The following PDGFRB variants were observed in gnomAD, a reference collection of about 807,000 sequenced individuals.
The protein encoded by PDGFRB is platelet-derived growth factor receptor beta.
A neutral mutation model predicts 120.2 loss-of-function variants in PDGFRB; 42 were observed. That is an observed-to-expected ratio of 0.35 (90% confidence interval 0.27 to 0.45). The LOEUF (loss-of-function observed/expected upper bound fraction) is 0.45, where lower values mean the gene tolerates loss of function less well. PDGFRB is among the 20% of genes least tolerant of loss of function. The probability of loss-of-function intolerance (pLI) is 1.00; values close to 1 mark genes in which losing one functional copy is unlikely to be tolerated. For missense variants in PDGFRB, 1,149 were observed against 1,476.3 expected (o/e 0.78, Z 3.63); for synonymous variants, 586 against 606.8 (o/e 0.97, Z 0.50).
At chr5:150,129,233 G>A (rs960865604) in intron 10 of PDGFRB, among the ~76,000 whole-genome samples, 3 of 152,172 alleles carry the variant, frequency 2.0e-5, no homozygotes, top group Non-Finnish European at 4.4e-5. Flanking sequence ...GTACCCACCG[G>A]TACATGCATA....
At position 150,116,093 on chromosome 5, in the gene PDGFRB, G is replaced by T; in HGVS notation, c.3138-147C>A. 6 of 639,578 alleles carry T rather than the reference G, an allele frequency of 9.4e-6. No homozygotes were observed. The South Asian group carries it at 1.2e-4, about 13-fold the overall frequency. The allele number at this position is 639,578 out of a possible 1,614,324, so 39.6% of individuals were successfully genotyped here. On this transcript the variant is annotated intron_variant, in intron 22 of 22. Transcript: ENST00000261799. Reference sequence around the variant, plus strand: ...TTAACTCTTGTGAAAACTATGCAAGGCCTGCACCGTGAGGAAAGTGTGGCT... The same window carrying T: ...TTAACTCTTGTGAAAACTATGCAAGTCCTGCACCGTGAGGAAAGTGTGGCT...
chr5:150,115,879 C>T lies in PDGFRB; in HGVS notation c.3205G>A (p.Glu1069Lys), dbSNP rs576668629. ...TCAAGCTGGGGCTCTGGCTCTGGTT[C>T]GTCCTGGGGCTCCAGGGGGCTGTCA... ...SCDSPLEPQD[E>K]PEPEPQLELQ... is the part of the protein sequence containing the mutation. The change falls in exon 23 of 23, where the codon GAA becomes AAA. Residue 1069 changes from glutamate (E) to lysine (K), a missense_variant. Physicochemically the swap from Glu to Lys is moderately conservative, Grantham distance 56. Coordinates refer to ENST00000261799, the MANE Select transcript of PDGFRB (RefSeq NM_002609.4). The T allele has an allele frequency of 1.2e-5, 19 of 1,610,284 alleles. No individual in the cohort carries two copies. The African/African-American group carries it at 2.0e-4, about 17-fold the overall frequency.
rs532483221 is a variant in PDGFRB, at chr5:150,135,751, A to T, written c.168T>A (p.Gly56=). Residue 56 remains glycine, a synonymous_variant, in exon 3 of 23, where the codon GGT becomes GGA. Transcript: ENST00000261799. ...VSSTFVLTCS[G]SAPVVWERMS... is the part of the protein sequence containing the mutation. ...TCCGTTCCCACACCACCGGAGCTGA[A>T]CCCGAGCAGGTCAGAACGAAGGTGC... The T allele has an allele frequency of 1.1e-5, 17 of 1,613,970 alleles. No homozygotes were observed. In the Admixed American group the frequency reaches 2.7e-4, roughly 25 times the overall value.
intron 1 of PDGFRB, among the ~76,000 whole-genome samples, chr5:150,147,378 G>A (rs747522007): frequency 4.6e-5 from 7 of 152,208 alleles, no homozygotes; most frequent in Non-Finnish European, 4.4e-5. Context: ...AGGGGGGTGC[G>A]GCAGGCGCAG....
Position 150,115,206 on chromosome 5 carries a change from A to C in PDGFRB, c.*557T>G, listed in dbSNP as rs1475155844. ...CAGGGAACGCAGGGACTGGCATCATAGGGAGGAGACTGGCTTTCTTCTGGA... is the reference window on the plus strand; with the variant it reads ...CAGGGAACGCAGGGACTGGCATCATCGGGAGGAGACTGGCTTTCTTCTGGA... On this transcript the variant is annotated 3_prime_UTR_variant, in exon 23 of 23. Coordinates refer to ENST00000261799, the MANE Select transcript of PDGFRB (RefSeq NM_002609.4). 4.3e-6 allele frequency: 1 copy of C among 232,920 alleles called. No homozygotes were observed. The highest frequency in any genetic ancestry group is 6.0e-5 in the East Asian group (1 of 16,554). 14.4% of individuals were successfully genotyped at this position (232,920 alleles called of 1,614,324 possible).
Position 150,124,405 on chromosome 5 carries a change from C to T in PDGFRB, c.1913-45G>A, listed in dbSNP as rs1249809819. On this transcript the variant is annotated intron_variant, in intron 13 of 22. Transcript: ENST00000261799. ...CAGGCCAGGCCCAGTCATGGAGGCT[C>T]CATGGAGGCCCCACCACAGGAGCCT... 3.7e-6 allele frequency: 5 copies of T among 1,350,590 alleles called. No homozygotes were observed. The East Asian group carries it at 6.9e-5, about 19-fold the overall frequency. The allele number at this position is 1,350,590 out of a possible 1,614,324, so 83.7% of individuals were successfully genotyped here.
chr5:150,142,422 A>T (rs1044313690), intron 1 of PDGFRB, among the ~76,000 whole-genome samples: 2 of 152,190 alleles, frequency 1.3e-5, no homozygotes, highest in Admixed American at 1.3e-4. Context: ...CCAGGCAGGG[A>T]TTGGCGACTG....
rs755557051 is a variant in PDGFRB, at chr5:150,121,905, G to A, written c.2319C>T (p.Ala773=). 15 of 1,613,228 alleles carry A rather than the reference G, an allele frequency of 9.3e-6. No homozygotes were observed. Among genetic ancestry groups the A allele is most frequent in the Middle Eastern group, 1.6e-4 (1 of 6,082 alleles). Residue 773 remains alanine, a synonymous_variant, in exon 16 of 23, where the codon GCC becomes GCT. Transcript: ENST00000261799. This position sits in a 1 kb window ranked among gnomAD's most constrained non-coding sequence, Gnocchi z 4.1. ...YADIESSNYM[A]PYDNYVPSAP... Reference sequence around the variant, plus strand: ...CAGAGGGAACGTAGTTATCGTAAGGGGCCATGTAGTTGGAGGACTCGATGT... The same window carrying A: ...CAGAGGGAACGTAGTTATCGTAAGGAGCCATGTAGTTGGAGGACTCGATGT...
intron 1 of PDGFRB, among the ~76,000 whole-genome samples, chr5:150,149,758 C>A (rs1761021327): frequency 6.6e-6 from 1 of 152,190 alleles, no homozygotes; most frequent in Admixed American, 6.5e-5. Flanking sequence ...AGCCCTACCC[C>A]TCTAAGGCTA....
intron 10 of PDGFRB, 67 bp downstream of exon 10, chr5:150,129,690 A>C (rs1016293608): frequency 7.4e-7 from 1 of 1,354,932 alleles, no homozygotes; most frequent in African/African-American, 1.4e-5. Context: ...ACATGGGCAC[A>C]TTACCAATTA....
intron 1 of PDGFRB, among the ~76,000 whole-genome samples, chr5:150,143,910 C>G (rs1263734528): frequency 2.0e-5 from 3 of 152,132 alleles, no homozygotes; most frequent in African/African-American, 7.2e-5. Flanking sequence ...AGAAAGAGAG[C>G]AGCCCGGCGC....
rs772781847 is a variant in PDGFRB at position 150,126,500 on chromosome 5, T to C, written c.1674+20A>G. On this transcript the variant is annotated intron_variant, in intron 11 of 22. Transcript: ENST00000261799. ...TAATGATGTGCCAGTCTTCACCCAC[T>C]GGGCCAGGGAGGGGCTTACCTTCTG... is the stretch of plus-strand genomic sequence containing the variant. 3 of 1,350,046 alleles carry C rather than the reference T, an allele frequency of 2.2e-6. No individual in the cohort carries two copies. The highest frequency in any genetic ancestry group is 3.2e-6 in the Non-Finnish European group (3 of 939,072). The allele number at this position is 1,350,046 out of a possible 1,614,324, so 83.6% of individuals were successfully genotyped here. A position where few individuals can be genotyped will look rare whatever the true frequency, so the allele number is the denominator to read the frequency against.
rs2113892719 is a variant in PDGFRB at position 150,123,026 on chromosome 5, G to A, written c.2183+16C>T. 1 of 1,609,366 alleles carries A rather than the reference G, an allele frequency of 6.2e-7. No individual in the cohort carries two copies. Among genetic ancestry groups the A allele is most frequent in the Non-Finnish European group, 8.5e-7 (1 of 1,177,844 alleles). On this transcript the variant is annotated intron_variant, in intron 15 of 22. Transcript: ENST00000261799. ...AGGTATCCCAAAGATTCAGTCCCTG[G>A]CCTCCCTCCTGGTACCTGGGCAGGG...
intron 1 of PDGFRB, among the ~76,000 whole-genome samples, chr5:150,146,393 C>T (rs1437032222): frequency 6.6e-6 from 1 of 152,174 alleles, no homozygotes; most frequent in East Asian, 1.9e-4. Context: ...TCCTCACGAC[C>T]ACCCTGTGAG....
rs1760951229 is a variant in PDGFRB at position 150,147,333 on chromosome 5, G to A, written c.-7+8064C>T. Among the ~76,000 whole-genome samples the A allele has an allele frequency of 2.0e-5, 3 of 152,230 alleles. No homozygotes were observed. The South Asian group carries it at 6.2e-4, about 31-fold the overall frequency. ...AGTGCCAGGCCCTTGGCAGCCAAAG[G>A]AGCCCCTGAGAGGGGTCCCAGGCTG... On this transcript the variant is annotated intron_variant, in intron 1 of 22. Coordinates refer to ENST00000261799, the MANE Select transcript of PDGFRB (RefSeq NM_002609.4).
Position 150,120,205 on chromosome 5 carries a change from G to A in PDGFRB, c.2587-82C>T. 1 of 736,622 alleles carries A rather than the reference G, an allele frequency of 1.4e-6. No homozygotes were observed. Among genetic ancestry groups the A allele is most frequent in the Non-Finnish European group, 2.5e-6 (1 of 395,610 alleles). The allele number at this position is 736,622 out of a possible 1,614,324, so 45.6% of individuals were successfully genotyped here. On this transcript the variant is annotated intron_variant, in intron 18 of 22. Coordinates refer to ENST00000261799, the MANE Select transcript of PDGFRB (RefSeq NM_002609.4). This position sits in a 1 kb window ranked among gnomAD's most constrained non-coding sequence, Gnocchi z 4.3. ...CACCTGGGATGGGAGGAGGGTATCTGGCAGCTCCCACCCACAACCACTTCT... is the reference window on the plus strand; with the variant it reads ...CACCTGGGATGGGAGGAGGGTATCTAGCAGCTCCCACCCACAACCACTTCT...
In PDGFRB at chr5:150,120,990, C is replaced by T. The variant is rs143342011; in HGVS notation, c.2484G>A (p.Ala828=). ...ASKNCVHRDL[A]ARNVLICEGK... ...CTTCACAGATGAGCACGTTCCTAGC[C>T]GCCAGGTCTCTGTGGACGCACTGGG... The change falls in exon 18 of 23, where the codon GCG becomes GCA. Residue 828 remains alanine, a synonymous_variant. Transcript: ENST00000261799. This position sits in a 1 kb window ranked among gnomAD's most constrained non-coding sequence, Gnocchi z 4.3. 27 of 1,613,892 alleles carry T rather than the reference C, an allele frequency of 1.7e-5. No individual in the cohort carries two copies. Among genetic ancestry groups the T allele is most frequent in the South Asian group, 1.2e-4 (11 of 91,060 alleles).
In PDGFRB at chr5:150,132,758, C is replaced by A. The variant is rs200225593; in HGVS notation, c.1119G>T (p.Ser373=). 1.9e-6 allele frequency: 3 copies of A among 1,612,450 alleles called. No individual in the cohort carries two copies. ...GEIALSTRNV[S]ETRYVSELTL... ...GAGAGCGAGCTGCTCACCGGGTCTC[C>A]GACACGTTGCGCGTGGACAGGGCGA... The change falls in exon 7 of 23, where the codon TCG becomes TCT. Residue 373 remains serine, a synonymous_variant. Transcript: ENST00000261799. The surrounding 1 kb of genome is among the most constrained non-coding windows in gnomAD (Gnocchi z 5.0).
At position 150,117,635 on chromosome 5, in the gene PDGFRB, A is replaced by T; in HGVS notation, c.3120T>A (p.Gly1040=). 6.2e-7 allele frequency: 1 copy of T among 1,608,086 alleles called. No homozygotes were observed. The highest frequency in any genetic ancestry group is 8.5e-7 in the Non-Finnish European group (1 of 1,175,650). The change falls in exon 22 of 23, where the codon GGT becomes GGA. Residue 1040 remains glycine, a synonymous_variant. Coordinates refer to ENST00000261799, the MANE Select transcript of PDGFRB (RefSeq NM_002609.4). ...GTGGTTACCTGGCTAGGCTGGGGGAACCCTCCAGTGGGCCCTCGTCAGCAA... is the reference window on the plus strand; with the variant it reads ...GTGGTTACCTGGCTAGGCTGGGGGATCCCTCCAGTGGGCCCTCGTCAGCAA... The part of the protein sequence containing the change: ...PEVADEGPLE[G]SPSLASSTLN...
Sources: gnomAD v4.1 joint callset for allele counts (sites outside exome capture counted in the v4.1 genomes callset) on GRCh38, gnomAD v4.1.1 for gene constraint, Gnocchi (gnomAD v3.1) non-coding constraint, MANE v1.5 for transcripts, NCBI Gene and HGNC (gene_info 2026-07-23, HGNC 2026-07-21) for gene names.